Variants in IL31RA observed in about 807,000 individuals in gnomAD.
IL31RA encodes the protein interleukin 31 receptor A.
A neutral mutation model predicts 83.7 loss-of-function variants in IL31RA; 66 were observed. The observed-to-expected ratio is 0.79, with a 90% CI of 0.65 to 0.97. The LOEUF is 0.97. Among genes scored for constraint, IL31RA ranks in the 50% least tolerant of loss-of-function variants. The pLI, the probability that IL31RA is intolerant of heterozygous loss-of-function variation, is 0.00. For missense variants in IL31RA, 798 were observed against 919.4 expected, an observed-to-expected ratio of 0.87 and a Z score of 1.71; for synonymous variants, 325 against 329.0, an observed-to-expected ratio of 0.99 and a Z score of 0.13.
In IL31RA at chr5:55,870,284, C is replaced by T. The variant is rs114382405; in HGVS notation, c.272+1376C>T. Among the ~76,000 whole-genome samples the T allele has an allele frequency of 2.7e-3, 416 of 152,268 alleles. 4 individuals carry two copies. Among genetic ancestry groups the T allele is most frequent in the African/African-American group, 9.1e-3 (380 of 41,554 alleles). ...ATTTTTGTTCGTTTTATTTATTTTTCAACCATTAACAGCATGTAAATAGTC... is the reference window on the plus strand; with the variant it reads ...ATTTTTGTTCGTTTTATTTATTTTTTAACCATTAACAGCATGTAAATAGTC... On this transcript the variant is annotated intron_variant, in intron 3 of 14. Coordinates refer to ENST00000652347, the MANE Select transcript of IL31RA (RefSeq NM_139017.7).
intron 10 of IL31RA, 118 bp downstream of exon 10, chr5:55,907,578 A>T: frequency 1.3e-6 from 1 of 743,568 alleles, no homozygotes; most frequent in Admixed American, 2.0e-5. Flanking sequence ...TTTGTGCTTC[A>T]TCTTGTAGTG....
chr5:55,859,442 C>A (rs1745538937), intron 1 of IL31RA, 67 bp from the exon 2 acceptor site: 2 of 1,104,338 alleles, frequency 1.8e-6, no homozygotes, highest in Non-Finnish European at 2.8e-6. Flanking sequence ...AATCTATTTG[C>A]CATTGGAAAT....
At chr5:55,876,939 G>C (rs868711970) in intron 4 of IL31RA, among the ~76,000 whole-genome samples, 4 of 151,780 alleles carry the variant, frequency 2.6e-5, no homozygotes, top group South Asian at 4.2e-4. Flanking sequence ...CTGTGTATTT[G>C]GGTTGGAGAG....
intron 7 of IL31RA, among the ~76,000 whole-genome samples, chr5:55,898,693 C>A (rs1748613748): frequency 6.7e-6 from 1 of 149,160 alleles, no homozygotes; most frequent in African/African-American, 2.5e-5. Flanking sequence ...TTTTAAATAA[C>A]ATATTAATAT....
rs161704 is a variant in IL31RA, at chr5:55,910,616, G to A, written c.1586G>A (p.Ser529Asn). 487,620 of 1,613,250 alleles carry A rather than the reference G, an allele frequency of 0.3. 75,081 individuals are homozygous for A. The highest frequency in any genetic ancestry group is 0.37 in the East Asian group (16,587 of 44,870). The change falls in exon 12 of 15, where the codon AGC (serine) becomes AAC (asparagine). Residue 529 changes from serine (S) to asparagine (N), a missense_variant. Transcript: ENST00000652347. ...KTSYIVQVMA[S>N]TSAGGTNGTS... is the part of the protein sequence containing the mutation. ...TCTTACATTGTTCAGGTCATGGCCA[G>A]CACCAGTGCTGGGGGAACCAACGGG... is the stretch of plus-strand genomic sequence containing the variant.
intron 8 of IL31RA, among the ~76,000 whole-genome samples, chr5:55,905,766 G>A (rs1472351831): frequency 2.0e-5 from 3 of 152,194 alleles, no homozygotes; most frequent in Non-Finnish European, 2.9e-5. Flanking sequence ...TCTACCTTTG[G>A]AGATTCTCTG....
At chr5:55,875,920 G>A (rs1746817208) in intron 4 of IL31RA, among the ~76,000 whole-genome samples, 1 of 152,042 alleles carries the variant, frequency 6.6e-6, no homozygotes, top group Non-Finnish European at 1.5e-5. Flanking sequence ...CTAGGACCTG[G>A]TAAAGTGTTG....
At chr5:55,851,020 G>A (rs1290247991), upstream of IL31RA, among the ~76,000 whole-genome samples, 2 of 152,038 alleles carry the variant, frequency 1.3e-5, no homozygotes, top group African/African-American at 4.8e-5. Context: ...ACTTCAACCC[G>A]GGAGGTGGAG....
chr5:55,895,378 G>C (rs764213451), intron 6 of IL31RA, among the ~76,000 whole-genome samples: 11 of 152,172 alleles, frequency 7.2e-5, no homozygotes, highest in Admixed American at 2.0e-4. Context: ...AATTGCCAGT[G>C]AGCCATCTCC....
At chr5:55,885,178 C>T (rs1176160787) in intron 5 of IL31RA, among the ~76,000 whole-genome samples, 2 of 152,164 alleles carry the variant, frequency 1.3e-5, no homozygotes, top group East Asian at 3.9e-4. Context: ...AGGAGGCTAT[C>T]ATGCGACCCT....
At chr5:55,892,378 G>C (rs931327776) in intron 6 of IL31RA, among the ~76,000 whole-genome samples, 2 of 152,194 alleles carry the variant, frequency 1.3e-5, no homozygotes, top group African/African-American at 4.8e-5. Context: ...ACTGGTCTCA[G>C]ATAACATCTG....
chr5:55,916,640 C>T lies in IL31RA; in HGVS notation c.1819-4C>T, dbSNP rs564568361. On this transcript the variant is annotated splice_region_variant and splice_polypyrimidine_tract_variant and intron_variant, in intron 14 of 14. Transcript: ENST00000652347. ...CACTTGGGATGTCCCTTTTTCTTTT[C>T]CAGGATAAGCTAAACCTGAAGGAGT... 2.9e-5 allele frequency: 47 copies of T among 1,613,098 alleles called. No individual in the cohort carries two copies. The East Asian group carries it at 9.8e-4, about 34-fold the overall frequency.
chr5:55,840,044 G>A, the IL31RA span: 1 of 422,626 alleles, frequency 2.4e-6, no homozygotes, highest in Middle Eastern at 4.6e-4. Context: ...ACCTGGTCTG[G>A]TGTCAAAACA....
chr5:55,873,625 G>A (rs538305417), intron 4 of IL31RA, among the ~76,000 whole-genome samples: 2 of 151,976 alleles, frequency 1.3e-5, no homozygotes, highest in East Asian at 3.9e-4. Context: ...ACCTTGTTAT[G>A]GTTCTGATTT....
Position 55,914,877 on chromosome 5 carries a change from T to A in IL31RA, c.1767T>A (p.Val589=). Residue 589 remains valine (V), a synonymous_variant, in exon 14 of 15, where the codon GTT becomes GTA. Coordinates refer to ENST00000652347, the MANE Select transcript of IL31RA (RefSeq NM_139017.7). ...TGACTCATCTGTGTTGGCCCACCGT[T>A]CCCAACCCTGCTGAAAGTAGTATAG... The part of the protein sequence containing the change: ...NKLTHLCWPT[V]PNPAESSIAT... 6.2e-7 allele frequency: 1 copy of A among 1,613,804 alleles called. No homozygotes were observed. The highest frequency in any genetic ancestry group is 8.5e-7 in the Non-Finnish European group (1 of 1,179,656).
chr5:55,915,350 G>A (rs553605269), intron 14 of IL31RA, among the ~76,000 whole-genome samples: 11 of 152,304 alleles, frequency 7.2e-5, no homozygotes, highest in Admixed American at 7.2e-4. Context: ...ATGTTGATGG[G>A]CATGGCAGTC....
At position 55,872,305 on chromosome 5, in the gene IL31RA, A is replaced by G. The variant is rs150091223; in HGVS notation, c.308A>G (p.Asn103Ser). 3.7e-6 allele frequency: 6 copies of G among 1,613,380 alleles called. No individual in the cohort carries two copies. The highest frequency in any genetic ancestry group is 2.7e-5 in the African/African-American group (2 of 74,914). ...GAAAAACATGATAATTGTACAACCA[A>G]TAGTTCTACAAGTGAAAATCGTGCT... Reference protein sequence around the residue: ...FGEKHDNCTTNSSTSENRASC... With the variant: ...FGEKHDNCTTSSSTSENRASC... The change falls in exon 4 of 15, where the codon AAT becomes AGT. Residue 103 changes from asparagine (N) to serine (S), a missense_variant. Transcript: ENST00000652347.
At chr5:55,867,196 TGTTTGTGTGTGTGC>T (rs761942304) in intron 2 of IL31RA, among the ~76,000 whole-genome samples, 6,917 of 44,728 alleles carry the variant, frequency 0.15, 703 homozygotes, top group African/African-American at 0.32. Flanking sequence ...TGTTTGTGTG[TGTTTGTGTGTGTGC>T]GCATGTGTGT....
Position 55,908,305 on chromosome 5 carries a change from C to T in IL31RA, c.1395C>T (p.Gly465=), listed in dbSNP as rs777126971. 56 of 1,614,086 alleles carry T rather than the reference C, an allele frequency of 3.5e-5. No homozygotes were observed. The highest frequency in any genetic ancestry group is 3.3e-4 in the Admixed American group (20 of 60,000). The change falls in exon 11 of 15, where the codon GGC becomes GGT. Residue 465 remains glycine (G), a synonymous_variant. Coordinates refer to ENST00000652347, the MANE Select transcript of IL31RA (RefSeq NM_139017.7). Reference sequence around the variant, plus strand: ...CTGAGACCAAGGTGGAGAACATTGGCGTGAAGACGGTCACGATCACATGGA... The same window carrying T: ...CTGAGACCAAGGTGGAGAACATTGGTGTGAAGACGGTCACGATCACATGGA... ...EGPETKVENI[G]VKTVTITWKE...
Sources: allele counts gnomAD v4.1 joint callset (sites outside exome capture counted in the v4.1 genomes callset), GRCh38; gene constraint gnomAD v4.1.1; transcripts MANE v1.5; gene names NCBI Gene and HGNC (gene_info 2026-07-23, HGNC 2026-07-21).